PALLD: variants seen among roughly 807,000 people sequenced by gnomAD.
PALLD encodes palladin.
Under a neutral mutation model 123.5 loss-of-function variants are expected in PALLD, and 61 were observed. That is an observed-to-expected ratio of 0.49 (90% CI 0.40 to 0.61). The LOEUF is 0.61. PALLD is among the 20% of genes least tolerant of loss of function. The probability of loss-of-function intolerance (pLI) is 0.00; values close to 1 mark genes in which losing one functional copy is unlikely to be tolerated. For synonymous variants in PALLD, 465 were observed against 496.4 expected (o/e 0.94, Z 0.84); for missense variants, 1,273 against 1,377.0 (o/e 0.92, Z 1.20).
In PALLD at chr4:168,877,467, T is replaced by C. The variant is rs553298719; in HGVS notation, c.1965-13455T>C. Reference sequence around the variant, plus strand: ...AAGTCAGACAAAATTTCCATCAGGATTTGTAAACTGGTTGGGATCACCTTA... The same window carrying C: ...AAGTCAGACAAAATTTCCATCAGGACTTGTAAACTGGTTGGGATCACCTTA... On this transcript the variant is annotated intron_variant, in intron 10 of 21. Coordinates refer to ENST00000505667, the MANE Select transcript of PALLD (RefSeq NM_001166108.2). 2.6e-5 allele frequency among the ~76,000 whole-genome samples: 4 copies of C among 152,304 alleles called. No homozygotes were observed. The South Asian group carries it at 8.3e-4, about 32-fold the overall frequency.
intron 2 of PALLD, among the ~76,000 whole-genome samples, chr4:168,661,765 A>G (rs1779159506): frequency 6.6e-6 from 1 of 152,248 alleles, no homozygotes; most frequent in Non-Finnish European, 1.5e-5. Flanking sequence ...ATGAAAGATG[A>G]AAGCCAAAAG....
chr4:168,577,036 G>C (rs941858735), intron 2 of PALLD, among the ~76,000 whole-genome samples: 2 of 152,098 alleles, frequency 1.3e-5, no homozygotes, highest in African/African-American at 2.4e-5. Flanking sequence ...AAATTTAAAA[G>C]AGTTTAATTG....
At chr4:168,628,868 C>G (rs925547365) in intron 2 of PALLD, among the ~76,000 whole-genome samples, 1 of 152,142 alleles carries the variant, frequency 6.6e-6, no homozygotes, top group African/African-American at 2.4e-5. Flanking sequence ...CCAACATACA[C>G]AATAGTCTGT....
At chr4:168,629,707 A>G (rs1304172172) in intron 2 of PALLD, among the ~76,000 whole-genome samples, 1 of 151,542 alleles carries the variant, frequency 6.6e-6, no homozygotes, top group Non-Finnish European at 1.5e-5. Flanking sequence ...CCAAAACGCC[A>G]CAAACCGCGT....
At chr4:168,694,129 C>T (rs1032399770) in intron 8 of PALLD, among the ~76,000 whole-genome samples, 2 of 152,042 alleles carry the variant, frequency 1.3e-5, no homozygotes, top group African/African-American at 4.8e-5. Flanking sequence ...TTTAAATGAC[C>T]TGATTGACTG....
Position 168,711,674 on chromosome 4 carries a change from G to A in PALLD, c.1715G>A (p.Ser572Asn). 2.5e-6 allele frequency: 4 copies of A among 1,614,060 alleles called. No individual in the cohort carries two copies. The highest frequency in any genetic ancestry group is 3.4e-6 in the Non-Finnish European group (4 of 1,179,990). The part of the protein sequence containing the change: ...FPPPPPILET[S>N]SLELASKKPS... ...CCTCCCCCTCCAATCTTGGAGACAA[G>A]TTCCTTGGAGTTGGCTTCAAAGAAA... Residue 572 changes from serine (S) to asparagine (N), a missense_variant, in exon 10 of 22, where the codon AGT (serine) becomes AAT (asparagine). Ser to Asn is a conservative substitution (Grantham distance 46). Around this residue, in one of 2 missense-constraint regions of PALLD, gnomAD observed 944 missense variants for 954.5 expected, o/e 0.99. Coordinates refer to ENST00000505667, the MANE Select transcript of PALLD (RefSeq NM_001166108.2).
At chr4:168,720,698 G>T (rs757105067) in intron 10 of PALLD, among the ~76,000 whole-genome samples, 1 of 152,050 alleles carries the variant, frequency 6.6e-6, no homozygotes, top group South Asian at 2.1e-4. Context: ...TTAGATACCC[G>T]ATTGTTCCAT....
chr4:168,728,793 G>T (rs552634497), intron 10 of PALLD, among the ~76,000 whole-genome samples: 1 of 151,946 alleles, frequency 6.6e-6, no homozygotes, highest in African/African-American at 2.4e-5. Flanking sequence ...TGAGATCTTG[G>T]TGCACCCATC....
rs547230448 is a variant in PALLD at position 168,765,117 on chromosome 4, T to C, written c.1964+53194T>C. On this transcript the variant is annotated intron_variant, in intron 10 of 21. Coordinates refer to ENST00000505667, the MANE Select transcript of PALLD (RefSeq NM_001166108.2). ...TTAGTCTGAATCTAATCTCTAGTCC[T>C]TAGCTTTAACCTGGGCAAGTTATTG... 7.9e-5 allele frequency among the ~76,000 whole-genome samples: 12 copies of C among 152,332 alleles called. No individual in the cohort carries two copies. In the East Asian group the frequency reaches 2.3e-3, roughly 29 times the overall value.
intron 2 of PALLD, among the ~76,000 whole-genome samples, chr4:168,582,576 T>C (rs1284967524): frequency 1.3e-5 from 2 of 152,166 alleles, no homozygotes; most frequent in African/African-American, 4.8e-5. Flanking sequence ...TTGTCATATA[T>C]GCCTTTAGTA....
chr4:168,502,766 T>C (rs1358367609), intron 1 of PALLD, among the ~76,000 whole-genome samples: 1 of 152,030 alleles, frequency 6.6e-6, no homozygotes, highest in East Asian at 1.9e-4. Flanking sequence ...TAGCCAGGCC[T>C]GACGATGCAC....
intron 10 of PALLD, among the ~76,000 whole-genome samples, chr4:168,748,727 G>C (rs1231514150): frequency 6.6e-6 from 1 of 152,110 alleles, no homozygotes; most frequent in Non-Finnish European, 1.5e-5. Context: ...GCATTTCCTT[G>C]TGGTTATATG....
intron 8 of PALLD, among the ~76,000 whole-genome samples, chr4:168,704,643 C>T (rs1037950035): frequency 3.3e-5 from 4 of 122,722 alleles, no homozygotes; most frequent in Non-Finnish European, 4.7e-5. Context: ...CCAGCCTGGG[C>T]GACAGCACGA....
intron 2 of PALLD, among the ~76,000 whole-genome samples, chr4:168,548,875 C>T (rs1766439777): frequency 6.6e-6 from 1 of 151,962 alleles, no homozygotes; most frequent in South Asian, 2.1e-4. Context: ...AGACTGGGTA[C>T]AGTGGCTCAT....
intron 2 of PALLD, 124 bp from the exon 3 acceptor site, chr4:168,668,065 GT>G (rs1038465804): frequency 4.4e-3 from 2,734 of 624,600 alleles, no homozygotes; most frequent in South Asian, 5.8e-3. Context: ...CACTGACATT[GT>G]TTTTTTTTTA....
intron 11 of PALLD, among the ~76,000 whole-genome samples, chr4:168,892,835 T>C (rs918024640): frequency 1.3e-5 from 2 of 152,246 alleles, no homozygotes; most frequent in Admixed American, 1.3e-4. Flanking sequence ...TTATATATAT[T>C]GTATGTATAT....
At chr4:168,712,222 G>T in intron 10 of PALLD, 1 of 489,152 alleles carries the variant, frequency 2.0e-6, no homozygotes, top group Non-Finnish European at 3.7e-6. Flanking sequence ...CTCCCTGGAG[G>T]CCATGGAAAA....
intron 10 of PALLD, among the ~76,000 whole-genome samples, chr4:168,713,115 ATTGC>A (rs1222999090): frequency 6.6e-6 from 1 of 152,162 alleles, no homozygotes; most frequent in Non-Finnish European, 1.5e-5. Flanking sequence ...AAATCGATAT[ATTGC>A]TACCCTCTAC....
At chr4:168,536,634 G>A (rs1038793324) in intron 2 of PALLD, 3 of 152,164 alleles carry the variant, frequency 2.0e-5, no homozygotes, top group Admixed American at 6.5e-5. Context: ...AAGCGAGGAA[G>A]AGCCCCTTAT....
Sources: gnomAD v4.1 joint callset for allele counts (sites outside exome capture counted in the v4.1 genomes callset) on GRCh38, gnomAD v4.1.1 for gene constraint, gnomAD v4.1.1 regional missense constraint, MANE v1.5 for transcripts, NCBI Gene and HGNC (gene_info 2026-07-23, HGNC 2026-07-21) for gene names.